The following KRT23 variants were observed in gnomAD, a reference collection of about 807,000 sequenced individuals.
KRT23 encodes keratin 23.
Under a neutral mutation model 47.6 loss-of-function variants are expected in KRT23, and 38 were observed. That is an observed-to-expected ratio of 0.80 (90% CI 0.62 to 1.05). KRT23 has a LOEUF of 1.05. Among genes scored for constraint, KRT23 ranks in the 50% least tolerant of loss-of-function variants. The pLI is 0.00. For missense variants in KRT23, 503 were observed against 529.5 expected (o/e 0.95, Z 0.49); for synonymous variants, 191 against 199.0 (o/e 0.96, Z 0.34).
intron 3 of KRT23, among the ~76,000 whole-genome samples, chr17:40,931,013 T>A (rs987657583): frequency 2.3e-5 from 1 of 43,162 alleles, no homozygotes; most frequent in Non-Finnish European, 3.8e-5. Context: ...TGAGTTTTCC[T>A]TTTTTTTTTT....
At position 40,927,876 on chromosome 17, in the gene KRT23, A is replaced by G. The variant is rs373468669; in HGVS notation, c.921+362T>C. Among the ~76,000 whole-genome samples, 199 of 152,252 alleles carry G rather than the reference A, an allele frequency of 1.3e-3. 1 individual carries two copies. The highest frequency in any genetic ancestry group is 4.5e-3 in the African/African-American group (185 of 41,542). On this transcript the variant is annotated intron_variant, in intron 6 of 8. Coordinates refer to ENST00000209718, the MANE Select transcript of KRT23 (RefSeq NM_015515.5). ...GGGTCTAGAATCCCCCTTCCTCCAA[A>G]TAAATCATATGGTTTCATCACCAGT... is the stretch of plus-strand genomic sequence containing the variant.
Position 40,925,469 on chromosome 17 carries a change from G to C in KRT23, c.1027C>G (p.Leu343Val), listed in dbSNP as rs143254995. Residue 343 changes from leucine to valine, a missense_variant, in exon 7 of 9, where the codon CTA becomes GTA. Physicochemically the swap from Leu to Val is conservative, Grantham distance 32. Coordinates refer to ENST00000209718, the MANE Select transcript of KRT23 (RefSeq NM_015515.5). ...ISHYEEELTQ[L>V]RHELERQNNE... is the part of the protein sequence containing the mutation. The stretch of plus-strand genomic sequence containing the variant: ...TTCTGCCGCTCCAGTTCATGGCGTA[G>C]CTGCGTCAGTTCCTCCTCATAGTGG... 2.5e-6 allele frequency: 4 copies of C among 1,614,046 alleles called. No homozygotes were observed. The highest frequency in any genetic ancestry group is 3.3e-5 in the Admixed American group (2 of 60,004).
chr17:40,931,799 A>G (rs1014928813), intron 2 of KRT23, among the ~76,000 whole-genome samples: 1 of 152,316 alleles, frequency 6.6e-6, no homozygotes, highest in Non-Finnish European at 1.5e-5. Flanking sequence ...CTAACTTTTT[A>G]GGTTATGGAC....
In KRT23 at chr17:40,925,296, A is replaced by C. The variant is rs185514622; in HGVS notation, c.1142+58T>G. On this transcript the variant is annotated intron_variant, in intron 7 of 8. Coordinates refer to ENST00000209718, the MANE Select transcript of KRT23 (RefSeq NM_015515.5). ...TAACAGAACCCAAAGATGCACACAT[A>C]TACCCACAGGAGCTGGAGGTCCCTC... 1,671 of 1,445,802 alleles carry C rather than the reference A, an allele frequency of 1.2e-3. 16 individuals are homozygous for C. The African/African-American group carries it at 0.021, about 18-fold the overall frequency. The allele number at this position is 1,445,802 out of a possible 1,614,324, so 89.6% of individuals were successfully genotyped here. A position where few individuals can be genotyped will look rare whatever the true frequency, so the allele number is the denominator to read the frequency against.
rs552702332 is a variant in KRT23 at position 40,931,231 on chromosome 17, C to T, written c.479+142G>A. On this transcript the variant is annotated intron_variant, in intron 3 of 8. Coordinates refer to ENST00000209718, the MANE Select transcript of KRT23 (RefSeq NM_015515.5). ...TTCACCATGTTGGCCAGGATGGTCT[C>T]GATCTCTTGACCTCGTGATCCGCCC... is the stretch of plus-strand genomic sequence containing the variant. The T allele has an allele frequency of 3.3e-4, 204 of 609,578 alleles. 2 individuals are homozygous for T. The African/African-American group carries it at 3.5e-3, about 10-fold the overall frequency. The allele number at this position is 609,578 out of a possible 1,614,324, so 37.8% of individuals were successfully genotyped here. A position where few individuals can be genotyped will look rare whatever the true frequency, so the allele number is the denominator to read the frequency against.
At chr17:40,923,107 G>T (rs1909028839) in intron 8 of KRT23, 24 bp from the exon 9 acceptor site, 2 of 1,503,012 alleles carry the variant, frequency 1.3e-6, no homozygotes, top group Middle Eastern at 1.7e-4. Flanking sequence ...CATGGAAGAT[G>T]TCACTGCCAT....
At chr17:40,934,244 A>C (rs1909895075) in intron 2 of KRT23, among the ~76,000 whole-genome samples, 1 of 152,144 alleles carries the variant, frequency 6.6e-6, no homozygotes, top group Non-Finnish European at 1.5e-5. Flanking sequence ...CAAATGAGGG[A>C]GGTTGGGGTA....
intron 2 of KRT23, among the ~76,000 whole-genome samples, chr17:40,932,247 TAA>T (rs35667055): frequency 0.016 from 2,435 of 152,250 alleles, 70 homozygotes; most frequent in African/African-American, 0.056. Flanking sequence ...AGCCTCCAGT[TAA>T]AGACTTTCAC....
chr17:40,923,343 A>T (rs887426921), intron 8 of KRT23, among the ~76,000 whole-genome samples: 1 of 152,152 alleles, frequency 6.6e-6, no homozygotes, highest in Non-Finnish European at 1.5e-5. Context: ...CCTCATATGG[A>T]ACCTAGTCTC....
intron 5 of KRT23, 24 bp from the exon 6 acceptor site, chr17:40,928,384 G>A (rs1461246160): frequency 9.9e-6 from 16 of 1,614,050 alleles, no homozygotes; most frequent in Admixed American, 5.0e-5. Flanking sequence ...CAAGGCAAAG[G>A]CGTCAGCATT....
chr17:40,931,246 G>A lies in KRT23; in HGVS notation c.479+127C>T, dbSNP rs1021138480. 92 of 653,878 alleles carry A rather than the reference G, an allele frequency of 1.4e-4. No individual in the cohort carries two copies. The East Asian group carries it at 1.9e-3, about 14-fold the overall frequency. 40.5% of individuals were successfully genotyped at this position (653,878 alleles called of 1,614,324 possible). A position where few individuals can be genotyped will look rare whatever the true frequency, so the allele number is the denominator to read the frequency against. ...AGGATGGTCTCGATCTCTTGACCTC[G>A]TGATCCGCCCGCCTTGGCCTCCCAA... On this transcript the variant is annotated intron_variant, in intron 3 of 8. Transcript: ENST00000209718.
intron 3 of KRT23, among the ~76,000 whole-genome samples, chr17:40,930,947 A>G (rs1909621249): frequency 6.7e-6 from 1 of 148,400 alleles, no homozygotes; most frequent in Non-Finnish European, 1.5e-5. Flanking sequence ...CACACAGTGC[A>G]TTTGCCGTTG....
chr17:40,927,277 A>G (rs1909285182), intron 6 of KRT23, among the ~76,000 whole-genome samples: 1 of 152,222 alleles, frequency 6.6e-6, no homozygotes, highest in Non-Finnish European at 1.5e-5. Context: ...AGTGCTAAGG[A>G]TTGGTGTCAG....
Position 40,937,351 on chromosome 17 carries a change from A to C in KRT23, c.-356T>G, listed in dbSNP as rs933256739. The C allele has an allele frequency of 1.3e-5, 2 of 152,244 alleles. No homozygotes were observed. Among genetic ancestry groups the C allele is most frequent in the African/African-American group, 4.8e-5 (2 of 41,442 alleles). 9.4% of individuals were successfully genotyped at this position (152,244 alleles called of 1,614,324 possible). A position where few individuals can be genotyped will look rare whatever the true frequency, so the allele number is the denominator to read the frequency against. On this transcript the variant is annotated 5_prime_UTR_variant, in exon 1 of 9. Transcript: ENST00000209718. ...TAATTAATGAATGACCGAACCTTCCACTTCCAGGGTGCCTTTCATCCCAGC... is the reference window on the plus strand; with the variant it reads ...TAATTAATGAATGACCGAACCTTCCCCTTCCAGGGTGCCTTTCATCCCAGC...
chr17:40,929,147 A>G (rs927892693), intron 4 of KRT23, among the ~76,000 whole-genome samples: 1 of 151,210 alleles, frequency 6.6e-6, no homozygotes, highest in African/African-American at 2.5e-5. Context: ...CATAGTGTGC[A>G]AAGTCCTGTT....
At position 40,924,374 on chromosome 17, in the gene KRT23, A is replaced by G. The variant is rs1436565025; in HGVS notation, c.1174+98T>C. The G allele has an allele frequency of 3.2e-6, 3 of 925,752 alleles. No individual in the cohort carries two copies. The East Asian group carries it at 7.4e-5, about 23-fold the overall frequency. The allele number at this position is 925,752 out of a possible 1,614,324, so 57.3% of individuals were successfully genotyped here. ...TGACCCAGGACATTTTGAACCCAGG[A>G]CATTTGGGAGTACATTAAGGATTAT... On this transcript the variant is annotated intron_variant, in intron 8 of 8. Transcript: ENST00000209718.
Position 40,931,409 on chromosome 17 carries a change from T to A in KRT23, c.443A>T (p.Asp148Val), listed in dbSNP as rs758030722. ...GTCATCCACTGCCATCCTGGCATTG[T>A]CAATGAGAAGAATAATCTGAGCATT... ...MTNAQIILLI[D>V]NARMAVDDFN... is the part of the protein sequence containing the mutation. The change falls in exon 3 of 9, where the codon GAC (aspartate) becomes GTC (valine). Residue 148 changes from aspartate to valine, a missense_variant. By Grantham distance (152) the Asp-to-Val change is radical. Coordinates refer to ENST00000209718, the MANE Select transcript of KRT23 (RefSeq NM_015515.5). 1 of 1,613,814 alleles carries A rather than the reference T, an allele frequency of 6.2e-7. No homozygotes were observed. Among genetic ancestry groups the A allele is most frequent in the Non-Finnish European group, 8.5e-7 (1 of 1,179,652 alleles).
At chr17:40,925,298 AC>A (rs1301781485) in intron 7 of KRT23, 55 bp downstream of exon 7, 17 of 1,456,842 alleles carry the variant, frequency 1.2e-5, no homozygotes, top group Admixed American at 1.7e-5. Flanking sequence ...GCACACATAT[AC>A]CCACAGGAGC....
At chr17:40,935,110 T>TG (rs1909966483) in intron 2 of KRT23, among the ~76,000 whole-genome samples, 1 of 102,794 alleles carries the variant, frequency 9.7e-6, no homozygotes, top group Admixed American at 1.1e-4. Flanking sequence ...TGAGTCACCT[T>TG]GTTTTTTTTT....
Sources: allele counts gnomAD v4.1 joint callset (sites outside exome capture counted in the v4.1 genomes callset), GRCh38; gene constraint gnomAD v4.1.1; transcripts MANE v1.5; gene names NCBI Gene and HGNC (gene_info 2026-07-23, HGNC 2026-07-21).